Variants in ADAMTSL1 observed in about 807,000 individuals in gnomAD.
The protein encoded by ADAMTSL1 is ADAMTS-like protein 1.
Under a neutral mutation model 201.8 loss-of-function variants are expected in ADAMTSL1, and 126 were observed. That is an observed-to-expected ratio of 0.62 (90% CI 0.54 to 0.72). ADAMTSL1 has a LOEUF of 0.72. Ranked by LOEUF, ADAMTSL1 falls within the 30% of genes least tolerant of loss-of-function variation. The pLI is 0.00. For synonymous variants in ADAMTSL1, 1,121 were observed against 903.4 expected, an observed-to-expected ratio of 1.24 and a Z score of -4.32; for missense variants, 2,679 against 2,277.8, an observed-to-expected ratio of 1.18 and a Z score of -3.59.
intron 4 of ADAMTSL1, chr9:18,574,595 T>TTGTGTTTGTGTGTG (rs1554707990): frequency 8.8e-6 from 3 of 339,830 alleles, no homozygotes; most frequent in Admixed American, 4.3e-5. Flanking sequence ...GTGTTTGTGT[T>TTGTGTTTGTGTGTG]TGTGTGTGTG....
chr9:18,587,141 C>T (rs1050138348), intron 4 of ADAMTSL1, among the ~76,000 whole-genome samples: 1 of 152,124 alleles, frequency 6.6e-6, no homozygotes, highest in African/African-American at 2.4e-5. Context: ...GCAAAAGAAA[C>T]TATCAACAGA....
At chr9:18,306,206 C>G (rs1281962936) in intron 2 of ADAMTSL1, among the ~76,000 whole-genome samples, 2 of 152,088 alleles carry the variant, frequency 1.3e-5, no homozygotes, top group Non-Finnish European at 2.9e-5. Flanking sequence ...CATCAAAGAC[C>G]AAAGGAAGAT....
intron 15 of ADAMTSL1, chr9:18,723,767 C>T (rs1256743871): frequency 6.6e-6 from 1 of 152,218 alleles, no homozygotes; most frequent in Non-Finnish European, 1.5e-5. Context: ...CTAATCTCAT[C>T]CAAGAGTCAA....
At chr9:18,161,644 G>A (rs1827393284) in intron 1 of ADAMTSL1, among the ~76,000 whole-genome samples, 2 of 151,980 alleles carry the variant, frequency 1.3e-5, no homozygotes. Context: ...GCTGTGAGTG[G>A]CCCTGAATAA....
At chr9:18,470,390 C>A (rs1230247722), upstream of ADAMTSL1, among the ~76,000 whole-genome samples, 1 of 152,182 alleles carries the variant, frequency 6.6e-6, no homozygotes, top group African/African-American at 2.4e-5. Context: ...TAGCAGTCTG[C>A]TTCCTATACT....
At chr9:18,793,882 G>A (rs888105152) in intron 19 of ADAMTSL1, among the ~76,000 whole-genome samples, 13 of 152,078 alleles carry the variant, frequency 8.5e-5, no homozygotes, top group African/African-American at 2.7e-4. Context: ...TCAAGTGATC[G>A]TTAGTCATTA....
chr9:17,982,412 A>T (rs1260456438), intron 1 of ADAMTSL1, among the ~76,000 whole-genome samples: 1 of 152,122 alleles, frequency 6.6e-6, no homozygotes, highest in Non-Finnish European at 1.5e-5. Context: ...AAGGAGTTCG[A>T]GACCAGGCTG....
At chr9:18,661,852 G>A in intron 8 of ADAMTSL1, 83 bp from the exon 9 acceptor site, 1 of 1,400,344 alleles carries the variant, frequency 7.1e-7, no homozygotes, top group South Asian at 1.5e-5. Flanking sequence ...AATTTCCATT[G>A]ATGTGAGCTG....
chr9:18,158,062 T>C (rs1383259907), intron 1 of ADAMTSL1, among the ~76,000 whole-genome samples: 1 of 151,952 alleles, frequency 6.6e-6, no homozygotes, highest in African/African-American at 2.4e-5. Context: ...CCTTTCAACA[T>C]TGAAAGCAGT....
Position 18,851,187 on chromosome 9 carries a change from G to A in ADAMTSL1, c.4249+21210G>A, listed in dbSNP as rs149006546. On this transcript the variant is annotated intron_variant, in intron 23 of 28. Coordinates refer to ENST00000380548, the MANE Select transcript of ADAMTSL1 (RefSeq NM_001040272.6). ...AAGTTTCATTCTATGCCAAGCTCTC[G>A]ATGGGAGCAGAGATGTGCAAGGTGT... is the stretch of plus-strand genomic sequence containing the variant. 2.5e-3 allele frequency among the ~76,000 whole-genome samples: 385 copies of A among 152,232 alleles called. 1 individual carries two copies. Among genetic ancestry groups the A allele is most frequent in the African/African-American group, 8.9e-3 (368 of 41,528 alleles).
At chr9:18,361,235 A>G (rs1292015406) in intron 2 of ADAMTSL1, among the ~76,000 whole-genome samples, 3 of 152,236 alleles carry the variant, frequency 2.0e-5, no homozygotes, top group Admixed American at 1.3e-4. Flanking sequence ...TTCGATTATA[A>G]GGAGCATTAA....
Position 18,777,107 on chromosome 9 carries a change from C to T in ADAMTSL1, c.2878C>T (p.Leu960Phe). ...GGCCCGGGAGCACTTTGTGATTAAG[C>T]TCATCGGAGGCAACCGCAAGCTCGT... is the stretch of plus-strand genomic sequence containing the variant. ...GPAREHFVIK[L>F]IGGNRKLVAR... The change falls in exon 19 of 29, where the codon CTC becomes TTC. Residue 960 changes from leucine to phenylalanine, a missense_variant. Transcript: ENST00000380548. 1.2e-6 allele frequency: 2 copies of T among 1,613,142 alleles called. No individual in the cohort carries two copies. Among genetic ancestry groups the T allele is most frequent in the South Asian group, 1.1e-5 (1 of 91,078 alleles).
chr9:18,812,483 A>G (rs893808862), intron 20 of ADAMTSL1, among the ~76,000 whole-genome samples: 1 of 152,220 alleles, frequency 6.6e-6, no homozygotes, highest in Admixed American at 6.5e-5. Context: ...ACTATAAAAC[A>G]TTTAGAAAAA....
intron 1 of ADAMTSL1, among the ~76,000 whole-genome samples, chr9:18,075,287 A>C (rs988242613): frequency 6.6e-6 from 1 of 152,234 alleles, no homozygotes; most frequent in African/African-American, 2.4e-5. Flanking sequence ...TAACATAAAG[A>C]AGTGTGTATG....
intron 2 of ADAMTSL1, among the ~76,000 whole-genome samples, chr9:18,252,661 C>T (rs1563836329): frequency 6.6e-6 from 1 of 151,828 alleles, no homozygotes; most frequent in Non-Finnish European, 1.5e-5. Flanking sequence ...TGATTGAGTC[C>T]ACGGATACAG....
chr9:18,505,257 T>C (rs1489532781), intron 2 of ADAMTSL1, among the ~76,000 whole-genome samples: 1 of 152,226 alleles, frequency 6.6e-6, no homozygotes, highest in Non-Finnish European at 1.5e-5. Context: ...GAGTATTTAT[T>C]GTTAGGAATG....
At chr9:18,098,747 C>G (rs1237946522) in intron 1 of ADAMTSL1, among the ~76,000 whole-genome samples, 1 of 152,202 alleles carries the variant, frequency 6.6e-6, no homozygotes, top group East Asian at 1.9e-4. Context: ...GTGCCTCTCT[C>G]TACTCTCTGG....
intron 1 of ADAMTSL1, among the ~76,000 whole-genome samples, chr9:18,040,264 G>C (rs1000052869): frequency 6.6e-6 from 1 of 152,164 alleles, no homozygotes; most frequent in Admixed American, 6.5e-5. Context: ...CTTTCTGGAA[G>C]CAAGGTAGGT....
Position 18,829,995 on chromosome 9 carries a change from A to C in ADAMTSL1, c.4249+18A>C, listed in dbSNP as rs956983541. 5.0e-6 allele frequency: 8 copies of C among 1,594,288 alleles called. No individual in the cohort carries two copies. The highest frequency in any genetic ancestry group is 6.8e-6 in the Non-Finnish European group (8 of 1,170,340). On this transcript the variant is annotated intron_variant, in intron 23 of 28. Coordinates refer to ENST00000380548, the MANE Select transcript of ADAMTSL1 (RefSeq NM_001040272.6). ...TCTCCTTGGTGAGTCTAACCCTCGGAAACATTGGGCAGAAAGCCAGGACTG... is the reference window on the plus strand; with the variant it reads ...TCTCCTTGGTGAGTCTAACCCTCGGCAACATTGGGCAGAAAGCCAGGACTG...
Sources: gnomAD v4.1 joint callset for allele counts (sites outside exome capture counted in the v4.1 genomes callset) on GRCh38, gnomAD v4.1.1 for gene constraint, MANE v1.5 for transcripts, NCBI Gene and HGNC (gene_info 2026-07-23, HGNC 2026-07-21) for gene names.